C12orf56: variants seen among roughly 807,000 people sequenced by gnomAD.
The protein encoded by C12orf56 is chromosome 12 open reading frame 56.
Under a neutral mutation model 69.9 loss-of-function variants are expected in C12orf56, and 71 were observed. The ratio of observed to expected loss-of-function variants is 1.02; its 90% confidence interval spans 0.84 to 1.24. The LOEUF (loss-of-function observed/expected upper bound fraction) is 1.24. Ranked by LOEUF, C12orf56 falls within the 50% of genes most tolerant of loss-of-function variation. The pLI is 0.00. For synonymous variants in C12orf56, 276 were observed against 274.1 expected, an observed-to-expected ratio of 1.01 and a Z score of -0.07; for missense variants, 732 against 738.5, an observed-to-expected ratio of 0.99 and a Z score of 0.10.
rs796760581 is a variant in C12orf56 at position 64,285,749 on chromosome 12, C to T, written c.1220+205G>A. ...ATTGCAGTGGGCAAAGATCGTGCCA[C>T]TGCACTCCAGCCTGGGCAACAGAGC... On this transcript the variant is annotated intron_variant, in intron 7 of 12. Coordinates refer to ENST00000543942, the MANE Select transcript of C12orf56 (RefSeq NM_001170633.2). Among the ~76,000 whole-genome samples, 8 of 152,216 alleles carry T rather than the reference C, an allele frequency of 5.3e-5. 1 individual carries two copies. The highest frequency in any genetic ancestry group is 1.7e-4 in the African/African-American group (7 of 41,526).
intron 3 of C12orf56, among the ~76,000 whole-genome samples, chr12:64,320,675 A>G (rs182313088): frequency 1.3e-5 from 2 of 152,194 alleles, no homozygotes; most frequent in Non-Finnish European, 1.5e-5. Context: ...CTAAATTCCA[A>G]TCCTGGCTCT....
In C12orf56 at chr12:64,275,347, G is replaced by A; in HGVS notation, c.1460C>T (p.Thr487Ile). Residue 487 changes from threonine (T) to isoleucine (I), a missense_variant, in exon 10 of 13, where the codon ACA becomes ATA. Transcript: ENST00000543942. ...AELQKLILEYTNTATALLYEI... is the reference protein window; with the variant it reads ...AELQKLILEYINTATALLYEI... ...ATATAAAAGTGCTGTAGCAGTATTT[G>A]TATACTCCAGAATAAGCTTCTGTAA... The A allele has an allele frequency of 7.0e-7, 1 of 1,433,928 alleles. No homozygotes were observed. Among genetic ancestry groups the A allele is most frequent in the South Asian group, 1.5e-5 (1 of 66,876 alleles). The allele number at this position is 1,433,928 out of a possible 1,614,324, so 88.8% of individuals were successfully genotyped here. A position where few individuals can be genotyped will look rare whatever the true frequency, so the allele number is the denominator to read the frequency against.
At chr12:64,365,703 C>T (rs10878164) in intron 1 of C12orf56, among the ~76,000 whole-genome samples, 23,333 of 141,990 alleles carry the variant, frequency 0.16, 2,272 homozygotes, top group East Asian at 0.37. Context: ...TTATATAATA[C>T]AATATATAGT....
chr12:64,345,068 T>C (rs1391097491), intron 2 of C12orf56, among the ~76,000 whole-genome samples: 3 of 152,172 alleles, frequency 2.0e-5, no homozygotes, highest in Non-Finnish European at 2.9e-5. Flanking sequence ...CCCATGTCTG[T>C]TCTCCAGATT....
At chr12:64,268,427 ACATT>A (rs1460214942) in intron 12 of C12orf56, among the ~76,000 whole-genome samples, 1 of 101,604 alleles carries the variant, frequency 9.8e-6, no homozygotes, top group Non-Finnish European at 2.4e-5. Flanking sequence ...AACCTTGAAA[ACATT>A]AAGCTCAGTG....
intron 2 of C12orf56, among the ~76,000 whole-genome samples, chr12:64,332,303 A>AAG (rs2038941981): frequency 7.1e-4 from 1 of 1,406 alleles, no homozygotes; most frequent in Admixed American, 0.015. Flanking sequence ...ACTCCATCTC[A>AAG]AAAAAAAAAA....
At chr12:64,333,461 C>A (rs2038956757) in intron 2 of C12orf56, among the ~76,000 whole-genome samples, 1 of 151,482 alleles carries the variant, frequency 6.6e-6, no homozygotes, top group Non-Finnish European at 1.5e-5. Flanking sequence ...GTGTTCACGT[C>A]CCTGCCTCTT....
At chr12:64,276,583 G>A (rs770069745) in intron 9 of C12orf56, among the ~76,000 whole-genome samples, 1 of 152,104 alleles carries the variant, frequency 6.6e-6, no homozygotes, top group Non-Finnish European at 1.5e-5. Context: ...TTTGAATAAT[G>A]TCTGTCTCTC....
chr12:64,351,412 C>A (rs771624815), intron 2 of C12orf56, among the ~76,000 whole-genome samples: 1 of 152,172 alleles, frequency 6.6e-6, no homozygotes, highest in Non-Finnish European at 1.5e-5. Context: ...TCTGAAGGAT[C>A]CAGGTGCAGG....
chr12:64,305,448 C>T (rs754506153), intron 5 of C12orf56, among the ~76,000 whole-genome samples: 67 of 152,242 alleles, frequency 4.4e-4, no homozygotes, highest in Admixed American at 2.2e-3. Context: ...GTGGCGTGAT[C>T]TTGGCTCACC....
At chr12:64,276,286 A>G (rs2038050440) in intron 9 of C12orf56, among the ~76,000 whole-genome samples, 1 of 152,180 alleles carries the variant, frequency 6.6e-6, no homozygotes, top group Non-Finnish European at 1.5e-5. Context: ...AACAAACATC[A>G]AGTGATCAAA....
intron 4 of C12orf56, among the ~76,000 whole-genome samples, chr12:64,314,287 C>A (rs1351326065): frequency 6.6e-6 from 1 of 151,938 alleles, no homozygotes; most frequent in African/African-American, 2.4e-5. Context: ...GAGATGGCGT[C>A]TTGCTATGTT....
chr12:64,352,678 T>C (rs2039245756), intron 2 of C12orf56, among the ~76,000 whole-genome samples: 2 of 152,202 alleles, frequency 1.3e-5, no homozygotes, highest in South Asian at 4.1e-4. Context: ...GAGAGCCAGT[T>C]GGCCAGACCC....
intron 1 of C12orf56, among the ~76,000 whole-genome samples, chr12:64,370,955 G>A (rs888908244): frequency 5.3e-5 from 8 of 152,066 alleles, no homozygotes; most frequent in African/African-American, 1.9e-4. Flanking sequence ...AGCTACCATT[G>A]CACCACTACA....
At chr12:64,335,182 C>T (rs989587422) in intron 2 of C12orf56, among the ~76,000 whole-genome samples, 14 of 152,110 alleles carry the variant, frequency 9.2e-5, no homozygotes, top group East Asian at 3.9e-4. Flanking sequence ...TTTGGGAGGC[C>T]GAGGTGGGCG....
At chr12:64,386,398 A>ATATATATATATATT (rs752756817) in intron 1 of C12orf56, among the ~76,000 whole-genome samples, 1 of 87,344 alleles carries the variant, frequency 1.1e-5, no homozygotes, top group African/African-American at 5.0e-5. Flanking sequence ...ATATATATAT[A>ATATATATATATATT]TTTTTTTTTT....
At chr12:64,381,325 T>C (rs1030986502) in intron 1 of C12orf56, among the ~76,000 whole-genome samples, 2 of 152,218 alleles carry the variant, frequency 1.3e-5, no homozygotes, top group Admixed American at 1.3e-4. Context: ...GCACTGATCT[T>C]AGATTTTACA....
At chr12:64,303,436 C>A (rs760658646) in intron 6 of C12orf56, among the ~76,000 whole-genome samples, 199 bp downstream of exon 6, 19 of 151,036 alleles carry the variant, frequency 1.3e-4, no homozygotes, top group Non-Finnish European at 2.4e-4. Context: ...CTTCCCATCT[C>A]CCCTCCACAC....
chr12:64,354,845 G>A lies in C12orf56; in HGVS notation c.253-1789C>T, dbSNP rs192039695. Among the ~76,000 whole-genome samples, 929 of 150,020 alleles carry A rather than the reference G, an allele frequency of 6.2e-3. 12 individuals are homozygous for A. The highest frequency in any genetic ancestry group is 0.021 in the African/African-American group (877 of 41,230). Reference sequence around the variant, plus strand: ...TGTAATCCCAGAGCTTTGGGAGGCTGAGGCCAGTGGATCGCCTGAAGTCAG... The same window carrying A: ...TGTAATCCCAGAGCTTTGGGAGGCTAAGGCCAGTGGATCGCCTGAAGTCAG... On this transcript the variant is annotated intron_variant, in intron 1 of 12. Coordinates refer to ENST00000543942, the MANE Select transcript of C12orf56 (RefSeq NM_001170633.2).
Sources: allele counts gnomAD v4.1 joint callset (sites outside exome capture counted in the v4.1 genomes callset), GRCh38; gene constraint gnomAD v4.1.1; transcripts MANE v1.5; gene names NCBI Gene and HGNC (gene_info 2026-07-23, HGNC 2026-07-21).